TMPRSS15: variants seen among roughly 807,000 people sequenced by gnomAD.
TMPRSS15 encodes the protein enteropeptidase.
TMPRSS15 carries 128 observed loss-of-function variants against 125.3 expected under a neutral mutation model. That is an observed-to-expected ratio of 1.02 (90% confidence interval 0.89 to 1.18). TMPRSS15 has a LOEUF of 1.18. TMPRSS15 is among the 50% of genes most tolerant of loss of function. The pLI, the probability that TMPRSS15 is intolerant of heterozygous loss-of-function variation, is 0.00. For synonymous variants in TMPRSS15, 446 were observed against 423.2 expected, an observed-to-expected ratio of 1.05 and a Z score of -0.66; for missense variants, 1,283 against 1,212.7, an observed-to-expected ratio of 1.06 and a Z score of -0.86.
At chr21:18,343,088 G>T (rs973479429) in intron 12 of TMPRSS15, among the ~76,000 whole-genome samples, 1 of 152,168 alleles carries the variant, frequency 6.6e-6, no homozygotes, top group African/African-American at 2.4e-5. Flanking sequence ...AAATCAGAGT[G>T]GGGCAGGGTG....
At chr21:18,326,689 C>A in intron 15 of TMPRSS15, 117 bp from the exon 16 acceptor site, 1 of 1,136,358 alleles carries the variant, frequency 8.8e-7, no homozygotes, top group South Asian at 1.3e-5. Context: ...ATGGCTCGCT[C>A]ATAGAGCAGC....
chr21:18,289,368 C>G (rs984144757), intron 21 of TMPRSS15, among the ~76,000 whole-genome samples: 6 of 152,048 alleles, frequency 3.9e-5, no homozygotes, highest in Non-Finnish European at 8.8e-5. Flanking sequence ...CAAAAGTAGC[C>G]GGGTGTGGTG....
chr21:18,316,121 T>C (rs919667401), intron 16 of TMPRSS15, among the ~76,000 whole-genome samples: 1 of 152,146 alleles, frequency 6.6e-6, no homozygotes, highest in Non-Finnish European at 1.5e-5. Flanking sequence ...ACTTGTTTGC[T>C]CAGAAAGCCT....
At chr21:18,404,406 G>C (rs1357582979), upstream of TMPRSS15, among the ~76,000 whole-genome samples, 2 of 152,056 alleles carry the variant, frequency 1.3e-5, no homozygotes, top group African/African-American at 4.8e-5. Context: ...AGTCTGGGTG[G>C]GGAAGACATT....
At chr21:18,460,913 G>A (rs1978539533) in intron 1 of TMPRSS15, among the ~76,000 whole-genome samples, 1 of 152,148 alleles carries the variant, frequency 6.6e-6, no homozygotes, top group Non-Finnish European at 1.5e-5. Context: ...TTCAATGGCT[G>A]TGCATTCACC....
intron 4 of TMPRSS15, among the ~76,000 whole-genome samples, chr21:18,382,280 A>G (rs2075899948): frequency 6.6e-6 from 1 of 152,178 alleles, no homozygotes; most frequent in South Asian, 2.1e-4. Context: ...CACCTGTTCT[A>G]GCTAATAATA....
Position 18,269,885 on chromosome 21 carries a change from T to A in TMPRSS15, c.*84A>T. 1.3e-6 allele frequency: 2 copies of A among 1,546,134 alleles called. No individual in the cohort carries two copies. The highest frequency in any genetic ancestry group is 1.8e-6 in the Non-Finnish European group (2 of 1,136,908). On this transcript the variant is annotated 3_prime_UTR_variant, in exon 25 of 25. Coordinates refer to ENST00000284885, the MANE Select transcript of TMPRSS15 (RefSeq NM_002772.3). ...AAAACCTTTGGTAACTTTTTAAAAT[T>A]TTTGTACGAAACACTTAATTTCCAT...
intron 16 of TMPRSS15, among the ~76,000 whole-genome samples, chr21:18,325,284 T>C (rs947237563): frequency 6.6e-6 from 1 of 152,102 alleles, no homozygotes; most frequent in Non-Finnish European, 1.5e-5. Context: ...AGTAAACAGA[T>C]TGGCTTCTAA....
intron 1 of TMPRSS15, among the ~76,000 whole-genome samples, chr21:18,466,273 A>G (rs1370694079): frequency 6.6e-6 from 1 of 152,208 alleles, no homozygotes; most frequent in African/African-American, 2.4e-5. Context: ...AAGATGGATT[A>G]AAGACTTAAA....
At chr21:18,466,126 A>T (rs1284708998) in intron 1 of TMPRSS15, among the ~76,000 whole-genome samples, 1 of 152,214 alleles carries the variant, frequency 6.6e-6, no homozygotes, top group Non-Finnish European at 1.5e-5. Flanking sequence ...CAACCATCTG[A>T]TCTTTGAAAA....
At chr21:18,303,972 G>A (rs1044898711) in intron 18 of TMPRSS15, among the ~76,000 whole-genome samples, 9 of 152,136 alleles carry the variant, frequency 5.9e-5, no homozygotes, top group Non-Finnish European at 1.3e-4. Flanking sequence ...TGCTTAGTAG[G>A]AGAAAGGAGG....
At chr21:18,401,866 T>C (rs1216701873) in intron 1 of TMPRSS15, among the ~76,000 whole-genome samples, 1 of 152,240 alleles carries the variant, frequency 6.6e-6, no homozygotes, top group Non-Finnish European at 1.5e-5. Context: ...ATTTATTTTC[T>C]CTTTCACTTG....
At chr21:18,342,427 T>C (rs543172809) in intron 12 of TMPRSS15, among the ~76,000 whole-genome samples, 135 of 152,360 alleles carry the variant, frequency 8.9e-4, no homozygotes, top group Non-Finnish European at 1.4e-3. Context: ...AAGGAGACTA[T>C]GGTGACTTGC....
intron 1 of TMPRSS15, among the ~76,000 whole-genome samples, chr21:18,468,533 CAAAA>C (rs11357922): frequency 1.3e-5 from 2 of 149,990 alleles, no homozygotes; most frequent in African/African-American, 4.9e-5. Flanking sequence ...GTTTTTCAAA[CAAAA>C]AAAAAATCAA....
intron 21 of TMPRSS15, among the ~76,000 whole-genome samples, chr21:18,288,553 T>TTA (rs1555892125): frequency 3.0e-5 from 3 of 98,692 alleles, no homozygotes; most frequent in African/African-American, 4.4e-5. Context: ...TTTTTTTTTT[T>TTA]GAGATGGAGT....
At chr21:18,410,505 C>T (rs2076163449) in intron 1 of TMPRSS15, among the ~76,000 whole-genome samples, 1 of 151,468 alleles carries the variant, frequency 6.6e-6, no homozygotes, top group South Asian at 2.1e-4. Flanking sequence ...ACCTGTTTTT[C>T]TACAGACTGC....
chr21:18,300,467 G>A (rs2074959509), intron 18 of TMPRSS15, among the ~76,000 whole-genome samples: 1 of 151,352 alleles, frequency 6.6e-6, no homozygotes, highest in East Asian at 2.0e-4. Context: ...TCAGCCTCCC[G>A]AGTATCTGGG....
intron 1 of TMPRSS15, among the ~76,000 whole-genome samples, chr21:18,420,050 CTGAG>C (rs1486433655): frequency 2.0e-5 from 3 of 152,092 alleles, no homozygotes; most frequent in African/African-American, 7.2e-5. Context: ...GTAGCCTAGC[CTGAG>C]TGATATGGTA....
intron 1 of TMPRSS15, among the ~76,000 whole-genome samples, chr21:18,471,609 C>T (rs1568736510): frequency 1.3e-5 from 2 of 152,074 alleles, no homozygotes; most frequent in Non-Finnish European, 2.9e-5. Context: ...GACACGGTGT[C>T]TTACACAATC....
Sources: gnomAD v4.1 joint callset for allele counts (sites outside exome capture counted in the v4.1 genomes callset) on GRCh38, gnomAD v4.1.1 for gene constraint, MANE v1.5 for transcripts, NCBI Gene and HGNC (gene_info 2026-07-23, HGNC 2026-07-21) for gene names.